The following ACSM5 variants were observed in gnomAD, a reference collection of about 807,000 sequenced individuals.
The protein encoded by ACSM5 is acyl-CoA synthetase medium chain family member 5, also known as acyl-coenzyme A synthetase ACSM5, mitochondrial.
In ACSM5, 56 loss-of-function variants were observed where a neutral mutation model predicts 71.6. The ratio of observed to expected loss-of-function variants is 0.78; its 90% CI spans 0.63 to 0.98. ACSM5 has a LOEUF of 0.98. Among genes scored for constraint, ACSM5 ranks in the 50% least tolerant of loss-of-function variants. ACSM5 has a pLI of 0.00. For synonymous variants in ACSM5, 285 were observed against 281.5 expected, an observed-to-expected ratio of 1.01 and a Z score of -0.12; for missense variants, 723 against 726.0, an observed-to-expected ratio of 1.00 and a Z score of 0.05.
intron 2 of ACSM5, among the ~76,000 whole-genome samples, chr16:20,416,931 T>A (rs758928729): frequency 5.6e-5 from 8 of 143,926 alleles, no homozygotes; most frequent in African/African-American, 7.8e-5. Flanking sequence ...AAATGGCCAA[T>A]AGACACATGA....
intron 12 of ACSM5, among the ~76,000 whole-genome samples, chr16:20,439,041 T>C (rs1967263376): frequency 6.8e-6 from 1 of 147,078 alleles, no homozygotes; most frequent in Non-Finnish European, 1.5e-5. Flanking sequence ...TCTAAAAGCA[T>C]ATCTGTCTGA....
chr16:20,430,711 A>AAG (rs1283944633), intron 8 of ACSM5, among the ~76,000 whole-genome samples: 1 of 151,934 alleles, frequency 6.6e-6, no homozygotes, highest in African/African-American at 2.4e-5. Context: ...AGAATGAAAA[A>AAG]AAGGAGGAAA....
At chr16:20,412,591 A>T (rs9930671) in intron 2 of ACSM5, among the ~76,000 whole-genome samples, 28,855 of 152,118 alleles carry the variant, frequency 0.19, 5,510 homozygotes, top group African/African-American at 0.5. Flanking sequence ...TTCATTTATA[A>T]GAGGAAGACA....
At chr16:20,424,282 T>C (rs1044815390) in intron 6 of ACSM5, among the ~76,000 whole-genome samples, 2 of 152,202 alleles carry the variant, frequency 1.3e-5, no homozygotes, top group African/African-American at 4.8e-5. Flanking sequence ...TAAGACCATT[T>C]TGTTGCTATT....
intron 2 of ACSM5, among the ~76,000 whole-genome samples, chr16:20,417,300 C>A (rs1015778138): frequency 6.6e-5 from 10 of 152,142 alleles, no homozygotes; most frequent in African/African-American, 2.4e-4. Flanking sequence ...TGGAACCAAC[C>A]CTAATGTCTA....
intron 8 of ACSM5, among the ~76,000 whole-genome samples, chr16:20,430,790 T>G (rs1188996275): frequency 5.3e-4 from 52 of 98,820 alleles, no homozygotes; most frequent in Middle Eastern, 5.3e-3. Flanking sequence ...AAGGAAGGAG[T>G]GAGCAAGGAA....
At chr16:20,411,731 G>A (rs1966848213) in intron 2 of ACSM5, 43 bp downstream of exon 2, 1 of 1,600,040 alleles carries the variant, frequency 6.2e-7, no homozygotes, top group African/African-American at 1.3e-5. Context: ...GGCATCTGAG[G>A]CTGCCCTCAT....
intron 10 of ACSM5, among the ~76,000 whole-genome samples, chr16:20,432,564 A>T (rs1343517955): frequency 1.3e-5 from 2 of 152,188 alleles, no homozygotes; most frequent in Non-Finnish European, 2.9e-5. Flanking sequence ...TCTGCTAATC[A>T]GTCTTGGAAG....
chr16:20,415,084 C>T (rs112074438), intron 2 of ACSM5, among the ~76,000 whole-genome samples: 6,736 of 152,128 alleles, frequency 0.044, 159 homozygotes, highest in South Asian at 0.058. Context: ...AGGAGATTTC[C>T]CAGCCAAGTG....
chr16:20,431,372 T>C (rs769255837), intron 10 of ACSM5, 51 bp downstream of exon 10: 1 of 1,384,782 alleles, frequency 7.2e-7, no homozygotes, highest in Non-Finnish European at 1.0e-6. Context: ...GTGCTAAGCA[T>C]TGTGCACCAC....
chr16:20,427,011 G>C (rs60240394), intron 6 of ACSM5, among the ~76,000 whole-genome samples: 3 of 150,176 alleles, frequency 2.0e-5, no homozygotes, highest in Admixed American at 6.7e-5. Context: ...TTGCTTAAAA[G>C]TTCACTGGTG....
intron 10 of ACSM5, among the ~76,000 whole-genome samples, chr16:20,432,358 T>C (rs1386147276): frequency 1.3e-5 from 2 of 152,222 alleles, no homozygotes; most frequent in South Asian, 2.1e-4. Context: ...TACTAAGCTG[T>C]CAATCAGCTA....
intron 2 of ACSM5, among the ~76,000 whole-genome samples, chr16:20,417,024 A>C (rs959497510): frequency 1.1e-3 from 8 of 7,034 alleles, no homozygotes; most frequent in Middle Eastern, 0.038. Flanking sequence ...GTGGCATGGC[A>C]AAAAAAAAAA....
rs772542022 is a variant in ACSM5, at chr16:20,411,677, C to T, written c.193C>T (p.Arg65Trp). ...FAHDVLDVWS[R>W]LEEAGHRPPN... ...CCATGATGTGCTGGATGTGTGGAGT[C>T]GGCTGGAAGAGGTGAAGCCTGTTCT... The change falls in exon 2 of 14, where the codon CGG becomes TGG. Residue 65 changes from arginine (R) to tryptophan (W), a missense_variant. Physicochemically the swap from Arg to Trp is moderately radical, Grantham distance 101 (BLOSUM62 -3). Transcript: ENST00000331849. The T allele has an allele frequency of 8.7e-6, 14 of 1,613,712 alleles. No individual in the cohort carries two copies. The highest frequency in any genetic ancestry group is 6.7e-5 in the East Asian group (3 of 44,868).
chr16:20,429,710 C>A lies in ACSM5; in HGVS notation c.1034C>A (p.Thr345Asn). 1 of 1,613,768 alleles carries A rather than the reference C, an allele frequency of 6.2e-7. No homozygotes were observed. The highest frequency in any genetic ancestry group is 2.2e-5 in the East Asian group (1 of 44,824). Residue 345 changes from threonine to asparagine, a missense_variant, in exon 8 of 14, where the codon ACC becomes AAC. Physicochemically the swap from Thr to Asn is moderately conservative, Grantham distance 65 (BLOSUM62 0). Transcript: ENST00000331849. Reference sequence around the variant, plus strand: ...TTTCAGAGCCTGAGGCACTGTCTGACCGGAGGAGAGGCCCTCAACCCTGAC... The same window carrying A: ...TTTCAGAGCCTGAGGCACTGTCTGAACGGAGGAGAGGCCCTCAACCCTGAC... ...YQFQSLRHCL[T>N]GGEALNPDVR...
At chr16:20,432,847 C>CTTTTTTT (rs56853520) in intron 10 of ACSM5, among the ~76,000 whole-genome samples, 747 of 57,576 alleles carry the variant, frequency 0.013, 189 homozygotes, top group East Asian at 0.065. Context: ...CCAGATCATT[C>CTTTTTTT]TTTTTTTTTT....
chr16:20,424,248 A>G (rs113144265), intron 6 of ACSM5, among the ~76,000 whole-genome samples, 179 bp downstream of exon 6: 6,758 of 152,174 alleles, frequency 0.044, 158 homozygotes, highest in South Asian at 0.06. Context: ...ATCATTGCCT[A>G]TGCTCTAGCT....
In ACSM5 at chr16:20,427,880, T is replaced by G; in HGVS notation, c.1001+13T>G. 1 of 1,603,034 alleles carries G rather than the reference T, an allele frequency of 6.2e-7. No individual in the cohort carries two copies. The highest frequency in any genetic ancestry group is 8.5e-7 in the Non-Finnish European group (1 of 1,170,490). ...AGGATCTGACCAGGTACAGCCCGTCTATTTCGTGCTTTGAGGGCCTAAGTA... is the reference window on the plus strand; with the variant it reads ...AGGATCTGACCAGGTACAGCCCGTCGATTTCGTGCTTTGAGGGCCTAAGTA... On this transcript the variant is annotated intron_variant, in intron 7 of 13. Transcript: ENST00000331849.
At chr16:20,436,089 C>CTTTTTTTTTT (rs879465170) in intron 10 of ACSM5, among the ~76,000 whole-genome samples, 1 of 138,666 alleles carries the variant, frequency 7.2e-6, no homozygotes. Context: ...TCCTTCCTTC[C>CTTTTTTTTTT]TTTTCTCTTT....
Sources: allele counts gnomAD v4.1 joint callset (sites outside exome capture counted in the v4.1 genomes callset), GRCh38; gene constraint gnomAD v4.1.1; transcripts MANE v1.5; gene names NCBI Gene and HGNC (gene_info 2026-07-23, HGNC 2026-07-21).